FOXP2: variants seen among roughly 807,000 people sequenced by gnomAD.
FOXP2 encodes the protein forkhead box protein P2.
A neutral mutation model predicts 115.8 loss-of-function variants in FOXP2; 12 were observed. The ratio of observed to expected loss-of-function variants is 0.10; its 90% CI spans 0.07 to 0.17. The LOEUF is 0.17. Ranked by LOEUF, FOXP2 falls within the 10% of genes least tolerant of loss-of-function variation. The probability of loss-of-function intolerance (pLI) is 1.00; values close to 1 mark genes in which losing one functional copy is unlikely to be tolerated. For missense variants in FOXP2, 629 were observed against 843.5 expected, an observed-to-expected ratio of 0.75 and a Z score of 3.15; for synonymous variants, 328 against 297.7, an observed-to-expected ratio of 1.10 and a Z score of -1.05.
chr7:114,438,754 T>C (rs576762561), intron 2 of FOXP2, among the ~76,000 whole-genome samples: 5 of 152,198 alleles, frequency 3.3e-5, no homozygotes, highest in African/African-American at 1.2e-4. Flanking sequence ...TGAATTTACG[T>C]GTTGGTTTCC....
chr7:114,630,424 G>A (rs1485315204), intron 5 of FOXP2, among the ~76,000 whole-genome samples: 1 of 152,150 alleles, frequency 6.6e-6, no homozygotes, highest in South Asian at 2.1e-4. Context: ...AGATTTCAAA[G>A]TCACAGGCCC....
intron 1 of FOXP2, among the ~76,000 whole-genome samples, chr7:114,092,730 A>G (rs1424468461): frequency 6.6e-6 from 1 of 152,026 alleles, no homozygotes; most frequent in East Asian, 1.9e-4. Flanking sequence ...GATCCCCAAC[A>G]TCTTTAAGAA....
chr7:114,661,133 T>C (rs1806839521), intron 13 of FOXP2, among the ~76,000 whole-genome samples: 1 of 151,684 alleles, frequency 6.6e-6, no homozygotes, highest in South Asian at 2.1e-4. Context: ...GAAATCTTCA[T>C]CAAAATTACT....
chr7:114,322,388 T>C (rs1797446763), intron 2 of FOXP2, among the ~76,000 whole-genome samples: 1 of 151,540 alleles, frequency 6.6e-6, no homozygotes, highest in Admixed American at 6.6e-5. Context: ...TGGTGGCTCA[T>C]GCTTGCAGTC....
intron 1 of FOXP2, among the ~76,000 whole-genome samples, chr7:114,126,145 A>G (rs1791702338): frequency 6.6e-6 from 1 of 152,092 alleles, no homozygotes; most frequent in East Asian, 1.9e-4. Context: ...ATTAAGTGCT[A>G]AATAGATAAC....
intron 1 of FOXP2, among the ~76,000 whole-genome samples, chr7:114,243,558 A>G (rs533521251): frequency 6.6e-6 from 1 of 152,310 alleles, no homozygotes; most frequent in South Asian, 2.1e-4. Context: ...CTTGGCTTTC[A>G]GGAAAGCTCT....
intron 3 of FOXP2, among the ~76,000 whole-genome samples, chr7:114,627,941 T>G (rs11983431): frequency 2.0e-5 from 3 of 149,348 alleles, no homozygotes; most frequent in Admixed American, 2.0e-4. Context: ...CACACACACA[T>G]ATATATATAT....
At chr7:114,152,089 A>T (rs1792543266) in intron 1 of FOXP2, among the ~76,000 whole-genome samples, 1 of 152,156 alleles carries the variant, frequency 6.6e-6, no homozygotes. Context: ...GAAAGTAGTT[A>T]TTTTGGCCAT....
rs1334828035 is a variant in FOXP2, at chr7:114,631,767, C to CT, written c.775+65dup. On this transcript the variant is annotated intron_variant, in intron 6 of 16. Transcript: ENST00000350908. ...CTTGTACTTTCTACCATTTCATGGC[C>CT]TTTCTGCCTTATACCTTGAGAAATT... The CT allele has an allele frequency of 8.7e-5, 135 of 1,553,840 alleles. 1 individual carries two copies. The highest frequency in any genetic ancestry group is 1.5e-5 in the Non-Finnish European group (17 of 1,126,354).
At chr7:114,520,792 A>C (rs575248417) in intron 2 of FOXP2, among the ~76,000 whole-genome samples, 9 of 152,110 alleles carry the variant, frequency 5.9e-5, no homozygotes, top group Admixed American at 6.6e-5. Flanking sequence ...TATACTATGG[A>C]GTATGGTGGA....
intron 3 of FOXP2, among the ~76,000 whole-genome samples, chr7:114,614,077 G>A (rs1803787949): frequency 6.6e-6 from 1 of 152,136 alleles, no homozygotes; most frequent in South Asian, 2.1e-4. Flanking sequence ...GTATAACTGA[G>A]GATAAGTTTT....
chr7:114,384,991 T>C (rs533728525), intron 2 of FOXP2, among the ~76,000 whole-genome samples: 3 of 151,724 alleles, frequency 2.0e-5, no homozygotes, highest in Non-Finnish European at 4.4e-5. Flanking sequence ...TTTTTTTAAC[T>C]ATTTCTATCT....
intron 2 of FOXP2, among the ~76,000 whole-genome samples, chr7:114,388,072 A>C (rs920932124): frequency 6.6e-6 from 1 of 152,178 alleles, no homozygotes. Context: ...TCATTGATAT[A>C]CCAAGTGAGT....
chr7:114,685,253 A>G (rs1808301832), intron 16 of FOXP2, among the ~76,000 whole-genome samples: 1 of 152,132 alleles, frequency 6.6e-6, no homozygotes, highest in Admixed American at 6.6e-5. Flanking sequence ...GTACCTACAA[A>G]CTAGTCATAT....
rs1273686487 is a variant in FOXP2 at position 114,429,420 on chromosome 7, CCTT to C, written c.168+2743_168+2745del. Among the ~76,000 whole-genome samples, 3 of 151,436 alleles carry C rather than the reference CCTT, an allele frequency of 2.0e-5. No individual in the cohort carries two copies. In the South Asian group the frequency reaches 6.2e-4, roughly 31 times the overall value. On this transcript the variant is annotated intron_variant, in intron 2 of 16. Coordinates refer to ENST00000350908, the MANE Select transcript of FOXP2 (RefSeq NM_014491.4). ...GCCTTTTCTGGATGAATTTCTCTCTCCTTCATTCCTTTCTAATCTTCAAAAATT... is the reference window on the plus strand; with the variant it reads ...GCCTTTTCTGGATGAATTTCTCTCTCCATTCCTTTCTAATCTTCAAAAATT...
rs781437567 is a variant in FOXP2 at position 114,629,927 on chromosome 7, A to G, written c.519A>G (p.Gln173=). 3.7e-6 allele frequency: 6 copies of G among 1,608,806 alleles called. No individual in the cohort carries two copies. The highest frequency in any genetic ancestry group is 1.1e-5 in the South Asian group (1 of 90,872). ...AACAACAGCAGCAGCAACAACAACA[A>G]CAACAGCAGCAACAACAGCAGCAGC... ...QQQQQQQQQQ[Q]QQQQQQQQQQ... The change falls in exon 5 of 17, where the codon CAA becomes CAG. Residue 173 remains glutamine, a synonymous_variant. Coordinates refer to ENST00000350908, the MANE Select transcript of FOXP2 (RefSeq NM_014491.4).
intron 2 of FOXP2, among the ~76,000 whole-genome samples, chr7:114,483,100 T>G (rs1796627203): frequency 6.6e-6 from 1 of 151,642 alleles, no homozygotes; most frequent in Admixed American, 6.6e-5. Flanking sequence ...TAGTTTTCAT[T>G]TATTCCTGTT....
chr7:114,385,129 C>T (rs377622279), intron 2 of FOXP2, among the ~76,000 whole-genome samples: 2 of 152,074 alleles, frequency 1.3e-5, no homozygotes, highest in African/African-American at 4.8e-5. Context: ...ACGGGTCCCA[C>T]ATAACTGCCC....
intron 1 of FOXP2, among the ~76,000 whole-genome samples, chr7:114,420,948 A>T: frequency 6.6e-6 from 1 of 151,886 alleles, no homozygotes; most frequent in Admixed American, 6.6e-5. Flanking sequence ...GAATGTGAAG[A>T]CAAGATGTTA....
Sources: gnomAD v4.1 joint callset for allele counts (sites outside exome capture counted in the v4.1 genomes callset) on GRCh38, gnomAD v4.1.1 for gene constraint, MANE v1.5 for transcripts, NCBI Gene and HGNC (gene_info 2026-07-23, HGNC 2026-07-21) for gene names.